ASB5: variants seen among roughly 807,000 people sequenced by gnomAD.
ASB5 encodes the protein ankyrin repeat and SOCS box containing 5, also known as ankyrin repeat and SOCS box protein 5.
In ASB5, 45 loss-of-function variants were observed where a neutral mutation model predicts 42.1. The observed-to-expected ratio is 1.07, with a 90% CI of 0.84 to 1.37. The LOEUF is 1.37. Among genes scored for constraint, ASB5 ranks in the 40% most tolerant of loss-of-function variants. ASB5 has a pLI of 0.00. For missense variants in ASB5, 402 were observed against 399.8 expected (o/e 1.01, Z -0.05); for synonymous variants, 147 against 150.6 (o/e 0.98, Z 0.18).
At chr4:176,250,080 A>T (rs1312224596) in intron 1 of ASB5, among the ~76,000 whole-genome samples, 5 of 150,954 alleles carry the variant, frequency 3.3e-5, no homozygotes, top group African/African-American at 4.9e-5. Flanking sequence ...AAAAAAAAAA[A>T]AGAAAAAGAA....
chr4:176,263,216 T>C (rs1472911063), intron 1 of ASB5, among the ~76,000 whole-genome samples: 1 of 152,184 alleles, frequency 6.6e-6, no homozygotes, highest in Non-Finnish European at 1.5e-5. Flanking sequence ...CCTTTAGTCA[T>C]GAGTGGAAAC....
intron 1 of ASB5, among the ~76,000 whole-genome samples, chr4:176,250,064 C>CAAAAAAA: frequency 7.9e-6 from 1 of 126,770 alleles, no homozygotes; most frequent in Non-Finnish European, 1.6e-5. Flanking sequence ...GACTCCATCT[C>CAAAAAAA]AAAAAAAAAA....
chr4:176,217,915 TC>T (rs1296284576), intron 5 of ASB5, among the ~76,000 whole-genome samples: 3 of 151,928 alleles, frequency 2.0e-5, no homozygotes, highest in African/African-American at 7.2e-5. Flanking sequence ...AGTTAAAGTG[TC>T]CCTTTATGGC....
chr4:176,255,501 A>G (rs1281379404), intron 1 of ASB5, among the ~76,000 whole-genome samples: 1 of 152,280 alleles, frequency 6.6e-6, no homozygotes, highest in African/African-American at 2.4e-5. Context: ...AGTATATGGT[A>G]TATACACACC....
chr4:176,237,196 C>A lies in ASB5; in HGVS notation c.197-11855G>T, dbSNP rs964106703. 17 of 840,466 alleles carry A rather than the reference C, an allele frequency of 2.0e-5. No individual in the cohort carries two copies. The African/African-American group carries it at 3.1e-4, about 16-fold the overall frequency. The allele number at this position is 840,466 out of a possible 1,614,324, so 52.1% of individuals were successfully genotyped here. A position where few individuals can be genotyped will look rare whatever the true frequency, so the allele number is the denominator to read the frequency against. Reference sequence around the variant, plus strand: ...ATACATGTGCATTTCAATCCGCATTCTGGAAAGCACCCGCAGTTTAAAGTT... The same window carrying A: ...ATACATGTGCATTTCAATCCGCATTATGGAAAGCACCCGCAGTTTAAAGTT... On this transcript the variant is annotated intron_variant, in intron 1 of 6. Transcript: ENST00000296525.
chr4:176,229,662 C>T (rs1753472714), intron 1 of ASB5, among the ~76,000 whole-genome samples: 1 of 107,806 alleles, frequency 9.3e-6, no homozygotes, highest in Admixed American at 9.5e-5. Flanking sequence ...TTAAGTCCAT[C>T]AAGATGGGGA....
At chr4:176,269,289 G>A (rs1020648231), upstream of ASB5, 2 of 423,274 alleles carry the variant, frequency 4.7e-6, no homozygotes, top group African/African-American at 4.1e-5. Context: ...CTATTGGTCT[G>A]AAAATATTCC....
intron 1 of ASB5, among the ~76,000 whole-genome samples, chr4:176,266,509 G>A (rs1754359877): frequency 6.6e-6 from 1 of 152,098 alleles, no homozygotes; most frequent in Non-Finnish European, 1.5e-5. Context: ...AAAAAGCTAT[G>A]TTAAAATGTA....
intron 1 of ASB5, among the ~76,000 whole-genome samples, chr4:176,233,695 C>G (rs533111427): frequency 1.3e-5 from 2 of 152,214 alleles, no homozygotes; most frequent in Non-Finnish European, 2.9e-5. Flanking sequence ...GAGTCCTCAT[C>G]ATCCAAGCTC....
chr4:176,222,175 A>C, intron 3 of ASB5, 138 bp downstream of exon 3: 1 of 745,722 alleles, frequency 1.3e-6, no homozygotes, highest in Non-Finnish European at 2.2e-6. Context: ...AAGAAGACTA[A>C]GGAATTCAAG....
chr4:176,251,564 T>TAAAAAAAAA (rs34392287), intron 1 of ASB5, among the ~76,000 whole-genome samples: 2 of 10,376 alleles, frequency 1.9e-4, no homozygotes, highest in African/African-American at 7.9e-4. Flanking sequence ...TCTGTCTCAT[T>TAAAAAAAAA]AAAAAAAAAA....
upstream of ASB5, among the ~76,000 whole-genome samples, chr4:176,269,435 T>C (rs930761638): frequency 1.2e-4 from 19 of 152,206 alleles, no homozygotes; most frequent in Admixed American, 5.9e-4. Flanking sequence ...ATTTTATATA[T>C]TTAGTTATCA....
intron 5 of ASB5, among the ~76,000 whole-genome samples, chr4:176,219,934 C>T (rs557914595): frequency 9.2e-5 from 14 of 152,122 alleles, no homozygotes; most frequent in Admixed American, 2.0e-4. Flanking sequence ...GCAGGGGTGT[C>T]CAATCGTTTG....
In ASB5 at chr4:176,241,002, G is replaced by C. The variant is rs540304820; in HGVS notation, c.197-15661C>G. Among the ~76,000 whole-genome samples the C allele has an allele frequency of 1.1e-4, 17 of 152,042 alleles. 1 individual carries two copies. The highest frequency in any genetic ancestry group is 3.9e-4 in the African/African-American group (16 of 41,376). On this transcript the variant is annotated intron_variant, in intron 1 of 6. Coordinates refer to ENST00000296525, the MANE Select transcript of ASB5 (RefSeq NM_080874.4). The stretch of plus-strand genomic sequence containing the variant: ...CAGTGTCAACAATTATCAACTTACG[G>C]TTAGTCTTGTTTCAACTATAACTCA...
chr4:176,234,460 C>T (rs1753633388), intron 1 of ASB5, among the ~76,000 whole-genome samples: 1 of 152,174 alleles, frequency 6.6e-6, no homozygotes, highest in Admixed American at 6.5e-5. Context: ...TCTTGACAAC[C>T]TTCTATTAAA....
At chr4:176,237,244 T>A (rs1753708599) in intron 1 of ASB5, 1 of 978,502 alleles carries the variant, frequency 1.0e-6, no homozygotes, top group African/African-American at 1.7e-5. Context: ...AACAGGCCAA[T>A]GTGGTTTATT....
chr4:176,221,500 G>T lies in ASB5; in HGVS notation c.485C>A (p.Ala162Asp). Residue 162 changes from alanine (A) to aspartate (D), a missense_variant, in exon 4 of 7, where the codon GCC becomes GAC. Ala to Asp is a moderately radical substitution (Grantham distance 126). Transcript: ENST00000296525. Reference sequence around the variant, plus strand: ...GGATGGAAGACATGACTCCAGCTGGGCTTTGGCACCATACTCCAGAAGCAG... The same window carrying T: ...GGATGGAAGACATGACTCCAGCTGGTCTTTGGCACCATACTCCAGAAGCAG... Reference protein sequence around the residue: ...AELLLEYGAKAQLESCLPSPT... With the variant: ...AELLLEYGAKDQLESCLPSPT... 6.2e-7 allele frequency: 1 copy of T among 1,614,158 alleles called. No individual in the cohort carries two copies. The highest frequency in any genetic ancestry group is 8.5e-7 in the Non-Finnish European group (1 of 1,180,024).
In ASB5 at chr4:176,221,469, C is replaced by A. The variant is rs150458674; in HGVS notation, c.516G>T (p.Thr172=). The change falls in exon 4 of 7, where the codon ACG becomes ACT. Residue 172 remains threonine, a synonymous_variant. Coordinates refer to ENST00000296525, the MANE Select transcript of ASB5 (RefSeq NM_080874.4). ...AQLESCLPSP[T]HEAASKGHHE... ...AGTTACCTTTACTGGCGGCCTCATG[C>A]GTTGGGGATGGAAGACATGACTCCA... The A allele has an allele frequency of 3.1e-6, 5 of 1,613,508 alleles. No individual in the cohort carries two copies. The highest frequency in any genetic ancestry group is 2.2e-5 in the East Asian group (1 of 44,888).
intron 5 of ASB5, among the ~76,000 whole-genome samples, chr4:176,219,137 G>T: frequency 9.1e-6 from 1 of 110,364 alleles, no homozygotes; most frequent in Non-Finnish European, 1.7e-5. Flanking sequence ...ATATTTGTAT[G>T]ATATATAAAT....
Sources: allele counts gnomAD v4.1 joint callset (sites outside exome capture counted in the v4.1 genomes callset), GRCh38; gene constraint gnomAD v4.1.1; transcripts MANE v1.5; gene names NCBI Gene and HGNC (gene_info 2026-07-23, HGNC 2026-07-21).